Variants in CFAP299 observed in about 807,000 individuals in gnomAD.
The protein encoded by CFAP299 is cilia and flagella associated protein 299.
Under a neutral mutation model 27.0 loss-of-function variants are expected in CFAP299, and 21 were observed. That is an observed-to-expected ratio of 0.78 (90% CI 0.55 to 1.12). The LOEUF (loss-of-function observed/expected upper bound fraction) is 1.12, where lower values mean the gene tolerates loss of function less well. CFAP299 is among the 50% of genes most tolerant of loss of function. CFAP299 has a pLI of 0.00. For missense variants in CFAP299, 310 were observed against 276.6 expected (o/e 1.12, Z -0.86); for synonymous variants, 104 against 98.1 (o/e 1.06, Z -0.36).
chr4:80,364,989 C>A (rs1268594665), intron 2 of CFAP299, among the ~76,000 whole-genome samples: 1 of 152,094 alleles, frequency 6.6e-6, no homozygotes, highest in Non-Finnish European at 1.5e-5. Context: ...ACCATATTTT[C>A]TTTTTTCAGT....
chr4:80,677,678 G>C (rs932001147), intron 3 of CFAP299, among the ~76,000 whole-genome samples: 1 of 151,898 alleles, frequency 6.6e-6, no homozygotes, highest in East Asian at 1.9e-4. Context: ...TAAATATCTA[G>C]TGCAAACTTA....
At chr4:80,596,397 G>A (rs777977851) in intron 3 of CFAP299, among the ~76,000 whole-genome samples, 5 of 152,094 alleles carry the variant, frequency 3.3e-5, no homozygotes, top group Non-Finnish European at 7.4e-5. Flanking sequence ...TTAGTTATTG[G>A]TCTTTTGGAG....
intron 3 of CFAP299, among the ~76,000 whole-genome samples, chr4:80,775,078 A>AG (rs1451686660): frequency 3.3e-5 from 5 of 151,232 alleles, no homozygotes; most frequent in Non-Finnish European, 7.4e-5. Context: ...AAATAAAAAA[A>AG]AAAGAAAAAG....
At chr4:80,745,069 A>G (rs1293320596) in intron 3 of CFAP299, among the ~76,000 whole-genome samples, 1 of 152,212 alleles carries the variant, frequency 6.6e-6, no homozygotes, top group African/African-American at 2.4e-5. Flanking sequence ...AATAAAGAAA[A>G]GAAAATTGAT....
At chr4:80,950,459 T>G (rs1228054429) in intron 5 of CFAP299, among the ~76,000 whole-genome samples, 1 of 152,110 alleles carries the variant, frequency 6.6e-6, no homozygotes, top group African/African-American at 2.4e-5. Flanking sequence ...GGAGGCAGAA[T>G]GTACTTTGGA....
chr4:80,394,619 G>T (rs1012796747), intron 2 of CFAP299, among the ~76,000 whole-genome samples: 6 of 152,032 alleles, frequency 3.9e-5, no homozygotes, highest in African/African-American at 7.2e-5. Context: ...TGATATAAAG[G>T]TCTAATTTCA....
chr4:80,683,575 AT>A (rs1041300548), intron 3 of CFAP299, among the ~76,000 whole-genome samples: 1 of 152,076 alleles, frequency 6.6e-6, no homozygotes, highest in African/African-American at 2.4e-5. Flanking sequence ...GCACATATTT[AT>A]TTTTTAGTTT....
At chr4:80,688,534 A>T (rs1413801589) in intron 3 of CFAP299, among the ~76,000 whole-genome samples, 2 of 152,162 alleles carry the variant, frequency 1.3e-5, no homozygotes, top group Non-Finnish European at 2.9e-5. Context: ...CACAGCAAAA[A>T]CCCATCTGTA....
intron 3 of CFAP299, among the ~76,000 whole-genome samples, chr4:80,730,534 A>C (rs1404099457): frequency 6.6e-6 from 1 of 151,868 alleles, no homozygotes; most frequent in African/African-American, 2.4e-5. Flanking sequence ...CTGATAAAAA[A>C]AAAAAAAGTT....
intron 2 of CFAP299, among the ~76,000 whole-genome samples, chr4:80,531,160 A>G (rs962756504): frequency 1.3e-5 from 2 of 152,188 alleles, no homozygotes; most frequent in Non-Finnish European, 2.9e-5. Flanking sequence ...CATGAGTGAC[A>G]GGAGGGTAGA....
intron 4 of CFAP299, among the ~76,000 whole-genome samples, chr4:80,887,073 A>G (rs1030028067): frequency 3.9e-5 from 6 of 152,178 alleles, no homozygotes; most frequent in African/African-American, 1.4e-4. Context: ...AAGCATACCC[A>G]TGGAATCTAG....
intron 3 of CFAP299, among the ~76,000 whole-genome samples, chr4:80,843,222 C>G (rs1441928121): frequency 3.9e-5 from 6 of 151,910 alleles, no homozygotes; most frequent in Non-Finnish European, 5.9e-5. Flanking sequence ...TAATGCTATC[C>G]CTCCCCCAGC....
chr4:80,540,379 T>C (rs1733942783), intron 2 of CFAP299, among the ~76,000 whole-genome samples: 1 of 152,224 alleles, frequency 6.6e-6, no homozygotes. Flanking sequence ...TTCTATTGTT[T>C]GATGAAGTAA....
chr4:80,901,200 A>G (rs1734874315), intron 4 of CFAP299, among the ~76,000 whole-genome samples: 1 of 152,180 alleles, frequency 6.6e-6, no homozygotes, highest in Non-Finnish European at 1.5e-5. Context: ...TACCTATCAC[A>G]ATCTGAAATG....
At chr4:80,360,685 G>A (rs188352760) in intron 1 of CFAP299, among the ~76,000 whole-genome samples, 48 of 152,260 alleles carry the variant, frequency 3.2e-4, no homozygotes, top group Admixed American at 1.8e-3. Flanking sequence ...ATTGTTATAG[G>A]TTTCAAGTTT....
chr4:80,954,957 G>T (rs1344049947), intron 5 of CFAP299, among the ~76,000 whole-genome samples: 1 of 117,262 alleles, frequency 8.5e-6, no homozygotes, highest in Non-Finnish European at 1.6e-5. Context: ...CCAAGATTGC[G>T]CCACTGCACT....
At chr4:80,766,935 G>A (rs1345890626) in intron 3 of CFAP299, among the ~76,000 whole-genome samples, 2 of 152,102 alleles carry the variant, frequency 1.3e-5, no homozygotes, top group African/African-American at 4.8e-5. Context: ...GTAAATTTCA[G>A]TTCTAAGGAG....
chr4:80,388,606 A>G, intron 2 of CFAP299: 1 of 1,406,268 alleles, frequency 7.1e-7, no homozygotes, highest in South Asian at 1.2e-5. Context: ...ACGCATTGAC[A>G]CTCTGGCCTC....
intron 3 of CFAP299, among the ~76,000 whole-genome samples, chr4:80,697,134 A>G (rs1721151312): frequency 6.6e-6 from 1 of 152,148 alleles, no homozygotes; most frequent in Non-Finnish European, 1.5e-5. Flanking sequence ...GCTTGAACCT[A>G]GGAGTACGAG....
Sources: gnomAD v4.1 joint callset for allele counts (sites outside exome capture counted in the v4.1 genomes callset) on GRCh38, gnomAD v4.1.1 for gene constraint, MANE v1.5 for transcripts, NCBI Gene and HGNC (gene_info 2026-07-23, HGNC 2026-07-21) for gene names.